ZCWPW2: variants seen among roughly 807,000 people sequenced by gnomAD.
ZCWPW2 encodes the protein zinc finger CW-type PWWP domain protein 2.
In ZCWPW2, 45 loss-of-function variants were observed where a neutral mutation model predicts 46.6. The ratio of observed to expected loss-of-function variants is 0.96; its 90% confidence interval spans 0.76 to 1.24. The LOEUF (loss-of-function observed/expected upper bound fraction) is 1.24. Ranked by LOEUF, ZCWPW2 falls within the 50% of genes most tolerant of loss-of-function variation. The pLI, the probability that ZCWPW2 is intolerant of heterozygous loss-of-function variation, is 0.00. For synonymous variants in ZCWPW2, 152 were observed against 137.1 expected, an observed-to-expected ratio of 1.11 and a Z score of -0.76; for missense variants, 429 against 403.9, an observed-to-expected ratio of 1.06 and a Z score of -0.53.
intron 4 of ZCWPW2, among the ~76,000 whole-genome samples, chr3:28,475,241 C>T (rs1222017090): frequency 2.6e-5 from 4 of 152,130 alleles, no homozygotes; most frequent in Non-Finnish European, 5.9e-5. Flanking sequence ...TTTGAAAGTC[C>T]TAGAGTAATC....
chr3:28,388,386 A>G (rs747375375), intron 1 of ZCWPW2, among the ~76,000 whole-genome samples: 11 of 152,190 alleles, frequency 7.2e-5, no homozygotes, highest in Non-Finnish European at 1.2e-4. Context: ...ATCTGCCACT[A>G]AAGACTCTAA....
intron 2 of ZCWPW2, among the ~76,000 whole-genome samples, chr3:28,410,306 G>A (rs1212778194): frequency 6.6e-6 from 1 of 151,932 alleles, no homozygotes; most frequent in African/African-American, 2.4e-5. Context: ...CAACCATTTA[G>A]TATGGATAGA....
chr3:28,516,320 G>C (rs1159896214), intron 8 of ZCWPW2, among the ~76,000 whole-genome samples: 2 of 151,696 alleles, frequency 1.3e-5, no homozygotes, highest in Non-Finnish European at 2.9e-5. Flanking sequence ...CAGCAGCTGT[G>C]GGAAGAAATA....
chr3:28,398,538 C>G (rs764976118), intron 2 of ZCWPW2, among the ~76,000 whole-genome samples: 14 of 152,108 alleles, frequency 9.2e-5, no homozygotes, highest in Non-Finnish European at 1.8e-4. Context: ...ATCAAGAAAC[C>G]TGAGAGGATC....
At chr3:28,359,937 T>C (rs1355194866) in intron 1 of ZCWPW2, among the ~76,000 whole-genome samples, 2 of 152,114 alleles carry the variant, frequency 1.3e-5, no homozygotes, top group Non-Finnish European at 2.9e-5. Context: ...TTAGGAAAAA[T>C]TAGAAATCAT....
intron 1 of ZCWPW2, among the ~76,000 whole-genome samples, chr3:28,368,538 T>C (rs1489714849): frequency 6.6e-6 from 1 of 152,224 alleles, no homozygotes; most frequent in Non-Finnish European, 1.5e-5. Flanking sequence ...GCTGTTAGTC[T>C]GATGGGCTTC....
intron 1 of ZCWPW2, chr3:28,351,662 C>G (rs981191306): frequency 4.0e-5 from 6 of 151,230 alleles, no homozygotes; most frequent in Non-Finnish European, 7.4e-5. Context: ...AAGTGAATTT[C>G]TGATTAGTGA....
At chr3:28,483,438 C>A (rs1699496642) in intron 5 of ZCWPW2, among the ~76,000 whole-genome samples, 1 of 152,006 alleles carries the variant, frequency 6.6e-6, no homozygotes, top group African/African-American at 2.4e-5. Context: ...CAGCATTGTT[C>A]TTCTCCTTCC....
intron 5 of ZCWPW2, among the ~76,000 whole-genome samples, chr3:28,490,337 A>G (rs182540632): frequency 5.9e-4 from 90 of 152,276 alleles, no homozygotes; most frequent in Non-Finnish European, 1.0e-3. Flanking sequence ...CCAAAGAAAT[A>G]TAAATCATTC....
intron 1 of ZCWPW2, 143 bp from the exon 2 acceptor site, chr3:28,390,355 T>C (rs915661117): frequency 5.8e-6 from 3 of 518,056 alleles, no homozygotes; most frequent in African/African-American, 4.2e-5. Flanking sequence ...TTATTACAAA[T>C]TCCAAAATTT....
intron 3 of ZCWPW2, among the ~76,000 whole-genome samples, chr3:28,433,192 C>T (rs73825161): frequency 0.014 from 2,135 of 152,116 alleles, 47 homozygotes; most frequent in African/African-American, 0.048. Flanking sequence ...AGGCTCTTAA[C>T]CAGCAAGGAA....
At chr3:28,400,435 A>G (rs770722522) in intron 2 of ZCWPW2, among the ~76,000 whole-genome samples, 21 of 152,310 alleles carry the variant, frequency 1.4e-4, no homozygotes, top group Non-Finnish European at 2.5e-4. Context: ...AAGAAGCACA[A>G]AGAATACCTG....
intron 1 of ZCWPW2, among the ~76,000 whole-genome samples, chr3:28,378,363 T>C (rs1303370459): frequency 1.3e-5 from 2 of 151,978 alleles, no homozygotes; most frequent in Non-Finnish European, 2.9e-5. Flanking sequence ...CTACTTTGGT[T>C]TTTGCACATT....
chr3:28,369,680 A>T (rs1372393068), intron 1 of ZCWPW2, among the ~76,000 whole-genome samples: 1 of 152,138 alleles, frequency 6.6e-6, no homozygotes, highest in Non-Finnish European at 1.5e-5. Flanking sequence ...ACTCTCTTCA[A>T]AGCTGTCAGA....
At chr3:28,517,023 A>G (rs1341816358) in intron 8 of ZCWPW2, among the ~76,000 whole-genome samples, 1 of 152,168 alleles carries the variant, frequency 6.6e-6, no homozygotes, top group Non-Finnish European at 1.5e-5. Flanking sequence ...TTTTTAAAAA[A>G]TAACTTCTTT....
Position 28,478,861 on chromosome 3 carries a change from A to G in ZCWPW2, c.540A>G (p.Gln180=). Residue 180 remains glutamine, a synonymous_variant, in exon 5 of 10, where the codon CAA becomes CAG. Coordinates refer to ENST00000383768, the MANE Select transcript of ZCWPW2 (RefSeq NM_001040432.4). ...AGAAGTGGTATAAAAGTGCACTACAAGAAGCATGTCTACTCTATGGATATT... is the reference window on the plus strand; with the variant it reads ...AGAAGTGGTATAAAAGTGCACTACAGGAAGCATGTCTACTCTATGGATATT... ...NKKKWYKSAL[Q]EACLLYGYSH... The G allele has an allele frequency of 6.3e-7, 1 of 1,586,056 alleles. No individual in the cohort carries two copies. Among genetic ancestry groups the G allele is most frequent in the Non-Finnish European group, 8.6e-7 (1 of 1,169,192 alleles).
chr3:28,468,025 G>A (rs2125794007), intron 4 of ZCWPW2, among the ~76,000 whole-genome samples: 3 of 152,158 alleles, frequency 2.0e-5, no homozygotes, highest in Middle Eastern at 6.8e-3. Context: ...CTTTCAGACA[G>A]AATTCAAAAT....
At chr3:28,493,300 T>A (rs1393316540) in intron 6 of ZCWPW2, among the ~76,000 whole-genome samples, 1 of 55,242 alleles carries the variant, frequency 1.8e-5, no homozygotes, top group Non-Finnish European at 3.2e-5. Context: ...CCCTCCCCCC[T>A]CCCCCGACCC....
At chr3:28,355,445 A>G (rs974045159) in intron 1 of ZCWPW2, among the ~76,000 whole-genome samples, 4 of 152,250 alleles carry the variant, frequency 2.6e-5, no homozygotes, top group Non-Finnish European at 5.9e-5. Context: ...TATAGATTCA[A>G]TGTCATCCCC....
Sources: gnomAD v4.1 joint callset for allele counts (sites outside exome capture counted in the v4.1 genomes callset) on GRCh38, gnomAD v4.1.1 for gene constraint, MANE v1.5 for transcripts, NCBI Gene and HGNC (gene_info 2026-07-23, HGNC 2026-07-21) for gene names.